Variants in LRCH1 observed in about 807,000 individuals in gnomAD.
LRCH1 encodes leucine rich repeats and calponin homology domain containing 1.
A neutral mutation model predicts 94.9 loss-of-function variants in LRCH1; 23 were observed. That is an observed-to-expected ratio of 0.24 (90% confidence interval 0.17 to 0.34). The LOEUF (loss-of-function observed/expected upper bound fraction) is 0.34. Among genes scored for constraint, LRCH1 ranks in the 10% least tolerant of loss-of-function variants. The probability of loss-of-function intolerance (pLI) is 1.00; values close to 1 mark genes in which losing one functional copy is unlikely to be tolerated. For synonymous variants in LRCH1, 364 were observed against 354.9 expected, an observed-to-expected ratio of 1.03 and a Z score of -0.29; for missense variants, 790 against 945.9, an observed-to-expected ratio of 0.84 and a Z score of 2.16.
intron 1 of LRCH1, among the ~76,000 whole-genome samples, chr13:46,581,432 T>C (rs1041931891): frequency 2.0e-5 from 3 of 152,084 alleles, no homozygotes. Flanking sequence ...ACAGAAAAGA[T>C]TCAAAGGTGG....
At chr13:46,711,233 C>G (rs1872047417) in intron 13 of LRCH1, among the ~76,000 whole-genome samples, 1 of 152,200 alleles carries the variant, frequency 6.6e-6, no homozygotes, top group Non-Finnish European at 1.5e-5. Context: ...GGGATGTCAT[C>G]TTGACTTTTC....
chr13:46,618,688 A>G (rs1004378108), intron 1 of LRCH1, among the ~76,000 whole-genome samples: 1 of 152,256 alleles, frequency 6.6e-6, no homozygotes, highest in Non-Finnish European at 1.5e-5. Context: ...TTAAGGCCTA[A>G]GTTAAAGATA....
chr13:46,634,780 G>A (rs1290108210), intron 1 of LRCH1, among the ~76,000 whole-genome samples: 1 of 152,086 alleles, frequency 6.6e-6, no homozygotes, highest in African/African-American at 2.4e-5. Context: ...CTAGCATGGT[G>A]TGTCTCATTG....
At chr13:46,637,289 TCC>T (rs2051103320) in intron 1 of LRCH1, among the ~76,000 whole-genome samples, 2 of 152,236 alleles carry the variant, frequency 1.3e-5, no homozygotes, top group Admixed American at 6.5e-5. Flanking sequence ...GGTTGTCACC[TCC>T]TCCCTGGCCT....
intron 1 of LRCH1, among the ~76,000 whole-genome samples, chr13:46,615,475 C>T (rs1222155840): frequency 6.6e-6 from 1 of 152,198 alleles, no homozygotes; most frequent in Admixed American, 6.5e-5. Context: ...TCACCTCCAA[C>T]ATTGGAGGTC....
chr13:46,733,903 G>C lies in LRCH1; in HGVS notation c.2008-18G>C. On this transcript the variant is annotated intron_variant, in intron 18 of 19. Transcript: ENST00000389797. ...CTCTTTTAAATAATATATTATTTCC[G>C]TATATTTGCATTTATAGCCCAAACT... 1 of 1,497,670 alleles carries C rather than the reference G, an allele frequency of 6.7e-7. No individual in the cohort carries two copies. The highest frequency in any genetic ancestry group is 9.1e-7 in the Non-Finnish European group (1 of 1,094,076). 92.8% of individuals were successfully genotyped at this position (1,497,670 alleles called of 1,614,324 possible).
intron 1 of LRCH1, among the ~76,000 whole-genome samples, chr13:46,628,924 C>T (rs1045396145): frequency 1.3e-5 from 2 of 152,170 alleles, no homozygotes; most frequent in African/African-American, 4.8e-5. Context: ...CAGAAAACAT[C>T]CAGCTCTACT....
chr13:46,608,178 A>G (rs1443608480), intron 1 of LRCH1, among the ~76,000 whole-genome samples: 1 of 152,206 alleles, frequency 6.6e-6, no homozygotes, highest in Non-Finnish European at 1.5e-5. Flanking sequence ...CTCTTAGTCC[A>G]GGCTCAGGTT....
chr13:46,725,236 A>G (rs1872755564), intron 17 of LRCH1, among the ~76,000 whole-genome samples: 1 of 152,226 alleles, frequency 6.6e-6, no homozygotes, highest in Admixed American at 6.5e-5. Flanking sequence ...TTGAAAAACT[A>G]CCTATTGGGT....
At chr13:46,620,866 G>A (rs2050871526) in intron 1 of LRCH1, among the ~76,000 whole-genome samples, 1 of 152,186 alleles carries the variant, frequency 6.6e-6, no homozygotes, top group Admixed American at 6.5e-5. Context: ...ATGCTGAAAT[G>A]TTATGGGGGA....
chr13:46,607,976 C>T (rs938317373), intron 1 of LRCH1, among the ~76,000 whole-genome samples: 1 of 152,076 alleles, frequency 6.6e-6, no homozygotes, highest in Non-Finnish European at 1.5e-5. Context: ...TGTGGGAAGG[C>T]CACAGGAGAT....
At chr13:46,567,215 C>G (rs2050193741) in intron 1 of LRCH1, among the ~76,000 whole-genome samples, 1 of 152,088 alleles carries the variant, frequency 6.6e-6, no homozygotes, top group Non-Finnish European at 1.5e-5. Flanking sequence ...GTTTACATTC[C>G]AAAGACTGTT....
At chr13:46,636,059 CTTTTTTTTTTTTTTT>C (rs34118906) in intron 1 of LRCH1, among the ~76,000 whole-genome samples, 2 of 73,534 alleles carry the variant, frequency 2.7e-5, no homozygotes, top group Non-Finnish European at 4.9e-5. Context: ...CCATGTCAAC[CTTTTTTTTTTTTTTT>C]TTTTTTTTTT....
chr13:46,691,957 G>A (rs1199530469), intron 7 of LRCH1, among the ~76,000 whole-genome samples: 2 of 152,140 alleles, frequency 1.3e-5, no homozygotes, highest in African/African-American at 2.4e-5. Flanking sequence ...CAAAGTGCTG[G>A]GATTACAGGT....
chr13:46,652,140 G>C (rs1318962336), intron 2 of LRCH1, among the ~76,000 whole-genome samples: 4 of 138,486 alleles, frequency 2.9e-5, no homozygotes, highest in East Asian at 2.2e-4. Flanking sequence ...GCAGTGGCGC[G>C]ATCTCGGCTC....
At chr13:46,701,008 C>T (rs555328039) in intron 10 of LRCH1, 113 bp from the exon 11 acceptor site, 8 of 700,540 alleles carry the variant, frequency 1.1e-5, no homozygotes, top group African/African-American at 5.4e-5. Context: ...CTGAATCTGT[C>T]GAAATCATTT....
At chr13:46,631,541 G>A (rs1324237507) in intron 1 of LRCH1, among the ~76,000 whole-genome samples, 1 of 152,150 alleles carries the variant, frequency 6.6e-6, no homozygotes, top group Non-Finnish European at 1.5e-5. Context: ...GGACTCTGAA[G>A]CTAGAGAACT....
At chr13:46,567,835 A>C (rs1043656785) in intron 1 of LRCH1, among the ~76,000 whole-genome samples, 1 of 152,196 alleles carries the variant, frequency 6.6e-6, no homozygotes, top group Non-Finnish European at 1.5e-5. Context: ...TGGTATCTCA[A>C]TATGAAATTT....
At position 46,750,788 on chromosome 13, in the gene LRCH1, A is replaced by C. The variant is rs941270142; in HGVS notation, c.*138A>C. On this transcript the variant is annotated 3_prime_UTR_variant, in exon 19 of 19. Transcript: ENST00000311191. ...CTCCAGTTACATTGAAACAATTTTC[A>C]GTCTAAGGGAGGATTTTCTACCTTT... The C allele has an allele frequency of 3.4e-5, 20 of 591,914 alleles. No homozygotes were observed. In the Middle Eastern group the frequency reaches 1.1e-3, roughly 33 times the overall value. 36.7% of individuals were successfully genotyped at this position (591,914 alleles called of 1,614,324 possible).
Sources: gnomAD v4.1 joint callset for allele counts (sites outside exome capture counted in the v4.1 genomes callset) on GRCh38, gnomAD v4.1.1 for gene constraint, MANE v1.5 for transcripts, NCBI Gene and HGNC (gene_info 2026-07-23, HGNC 2026-07-21) for gene names.